GRM1: variants seen among roughly 807,000 people sequenced by gnomAD.
The protein encoded by GRM1 is glutamate metabotropic receptor 1.
Under a neutral mutation model 90.9 loss-of-function variants are expected in GRM1, and 33 were observed. The ratio of observed to expected loss-of-function variants is 0.36; its 90% CI spans 0.28 to 0.49. GRM1 has a LOEUF of 0.49. Among genes scored for constraint, GRM1 ranks in the 20% least tolerant of loss-of-function variants. GRM1 has a pLI of 0.99. For synonymous variants in GRM1, 700 were observed against 613.2 expected (o/e 1.14, Z -2.09); for missense variants, 1,190 against 1,534.3 (o/e 0.78, Z 3.75).
At chr6:146,376,263 A>T (rs1438185311) in intron 5 of GRM1, among the ~76,000 whole-genome samples, 3 of 152,074 alleles carry the variant, frequency 2.0e-5, no homozygotes, top group African/African-American at 7.2e-5. Context: ...GGTATTTATT[A>T]CTTTTGATTG....
At position 146,333,735 on chromosome 6, in the gene GRM1, AG is replaced by A. The variant is rs532405685; in HGVS notation, c.1187-18514del. Among the ~76,000 whole-genome samples, 15 of 152,210 alleles carry A rather than the reference AG, an allele frequency of 9.9e-5. No individual in the cohort carries two copies. In the South Asian group the frequency reaches 3.1e-3, roughly 32 times the overall value. ...AAGACCTGGGCATACTTAGAATCCA[AG>A]TGGGCACTGTTGGAGCTTACCTAGA... is the stretch of plus-strand genomic sequence containing the variant. On this transcript the variant is annotated intron_variant, in intron 3 of 7. Transcript: ENST00000282753.
intron 1 of GRM1, among the ~76,000 whole-genome samples, chr6:146,154,628 A>C (rs912939603): frequency 1.3e-5 from 2 of 152,194 alleles, no homozygotes; most frequent in African/African-American, 4.8e-5. Context: ...AAAATACAGG[A>C]ATGTCTTATT....
intron 1 of GRM1, among the ~76,000 whole-genome samples, chr6:146,055,024 G>A (rs997570796): frequency 6.6e-6 from 1 of 151,916 alleles, no homozygotes; most frequent in African/African-American, 2.4e-5. Flanking sequence ...ATTTGCCTTG[G>A]GTTCACGCTA....
At chr6:146,228,326 G>T (rs145950030) in intron 2 of GRM1, among the ~76,000 whole-genome samples, 6 of 152,290 alleles carry the variant, frequency 3.9e-5, no homozygotes, top group Admixed American at 3.9e-4. Flanking sequence ...TTTGTACTGC[G>T]TTATCCCATG....
At chr6:146,040,218 A>C (rs1196066260) in intron 1 of GRM1, among the ~76,000 whole-genome samples, 1 of 152,034 alleles carries the variant, frequency 6.6e-6, no homozygotes, top group East Asian at 1.9e-4. Context: ...ATAATAGAAC[A>C]GTGACAAAGA....
chr6:146,250,889 T>A (rs1781245779), intron 2 of GRM1, among the ~76,000 whole-genome samples: 1 of 152,176 alleles, frequency 6.6e-6, no homozygotes, highest in Non-Finnish European at 1.5e-5. Context: ...TACATAAAGG[T>A]GAGAAAAATT....
intron 2 of GRM1, among the ~76,000 whole-genome samples, chr6:146,279,780 T>G (rs1782499843): frequency 6.6e-6 from 1 of 152,168 alleles, no homozygotes; most frequent in Non-Finnish European, 1.5e-5. Flanking sequence ...TTATACTGAC[T>G]ATAGAAATGT....
At chr6:146,242,104 T>C (rs1780885776) in intron 2 of GRM1, among the ~76,000 whole-genome samples, 1 of 152,142 alleles carries the variant, frequency 6.6e-6, no homozygotes. Context: ...ATGGGCAAGC[T>C]GTGTTCAGGA....
In GRM1 at chr6:146,263,338, A is replaced by G. The variant is rs145151065; in HGVS notation, c.951-41273A>G. Among the ~76,000 whole-genome samples the G allele has an allele frequency of 9.0e-4, 137 of 152,090 alleles. 1 individual carries two copies. Among genetic ancestry groups the G allele is most frequent in the African/African-American group, 3.1e-3 (128 of 41,578 alleles). On this transcript the variant is annotated intron_variant, in intron 2 of 7. Transcript: ENST00000282753. ...TAACTAAATCACTGAATGTGAAATT[A>G]TTAGTATGATTGCAGTTTTGTAAAG...
At chr6:146,296,622 G>A (rs1277168594) in intron 2 of GRM1, among the ~76,000 whole-genome samples, 1 of 152,076 alleles carries the variant, frequency 6.6e-6, no homozygotes, top group African/African-American at 2.4e-5. Context: ...GATTTTAAAA[G>A]TGTCTTTAAA....
intron 5 of GRM1, among the ~76,000 whole-genome samples, chr6:146,363,175 T>C (rs185473073): frequency 1.3e-5 from 2 of 152,316 alleles, no homozygotes; most frequent in East Asian, 3.9e-4. Context: ...AATTTTCAGA[T>C]CGACACCTTT....
chr6:146,129,452 C>A (rs140669962), intron 1 of GRM1, among the ~76,000 whole-genome samples: 2 of 152,252 alleles, frequency 1.3e-5, no homozygotes, highest in African/African-American at 4.8e-5. Context: ...ATACCACATT[C>A]TTGTCCTACG....
Position 146,288,507 on chromosome 6 carries a change from GT to G in GRM1, c.951-16100del, listed in dbSNP as rs761301776. ...ATGGCTTTTGATTTTTGTTTTTTTGGTTTTGTTTTGGTTTTGAGATGAAGTT... is the reference window on the plus strand; with the variant it reads ...ATGGCTTTTGATTTTTGTTTTTTTGGTTTGTTTTGGTTTTGAGATGAAGTT... On this transcript the variant is annotated intron_variant, in intron 2 of 7. Coordinates refer to ENST00000282753, the MANE Select transcript of GRM1 (RefSeq NM_001278064.2). Among the ~76,000 whole-genome samples, 17 of 152,024 alleles carry G rather than the reference GT, an allele frequency of 1.1e-4. No homozygotes were observed. The East Asian group carries it at 2.9e-3, about 26-fold the overall frequency.
intron 1 of GRM1, among the ~76,000 whole-genome samples, chr6:146,102,264 A>G (rs941124364): frequency 2.0e-5 from 3 of 152,140 alleles, no homozygotes; most frequent in Non-Finnish European, 4.4e-5. Context: ...CTCTCCCACA[A>G]CATAAGCTTT....
At chr6:146,391,586 A>G (rs1776724879) in intron 6 of GRM1, among the ~76,000 whole-genome samples, 2 of 152,088 alleles carry the variant, frequency 1.3e-5, no homozygotes, top group African/African-American at 2.4e-5. Context: ...CAGGATCTCA[A>G]AGAAAGCCAC....
chr6:146,174,732 AAG>A (rs1778269534), intron 2 of GRM1, among the ~76,000 whole-genome samples: 1 of 152,180 alleles, frequency 6.6e-6, no homozygotes. Flanking sequence ...ATTTTCTTTA[AAG>A]AGAGGAAAGT....
At chr6:146,232,520 T>A (rs1345219879) in intron 2 of GRM1, among the ~76,000 whole-genome samples, 1 of 152,084 alleles carries the variant, frequency 6.6e-6, no homozygotes, top group Admixed American at 6.6e-5. Flanking sequence ...TTTATCCTTT[T>A]TGTTACAAAC....
At chr6:146,037,760 C>T (rs1422827835) in intron 1 of GRM1, among the ~76,000 whole-genome samples, 1 of 152,002 alleles carries the variant, frequency 6.6e-6, no homozygotes, top group Non-Finnish European at 1.5e-5. Context: ...TAGCAACCCA[C>T]TTACCCTGAC....
chr6:146,275,193 C>G (rs1782309707), intron 2 of GRM1, among the ~76,000 whole-genome samples: 1 of 152,006 alleles, frequency 6.6e-6, no homozygotes, highest in Non-Finnish European at 1.5e-5. Flanking sequence ...CAAAACAAAA[C>G]AAAACAAAAC....
Sources: gnomAD v4.1 joint callset for allele counts (sites outside exome capture counted in the v4.1 genomes callset) on GRCh38, gnomAD v4.1.1 for gene constraint, MANE v1.5 for transcripts, NCBI Gene and HGNC (gene_info 2026-07-23, HGNC 2026-07-21) for gene names.